The following KIF9 variants were observed in gnomAD, a reference collection of about 807,000 sequenced individuals.
The protein encoded by KIF9 is kinesin family member 9.
In KIF9, 68 loss-of-function variants were observed where a neutral mutation model predicts 94.8. That is an observed-to-expected ratio of 0.72 (90% CI 0.59 to 0.88). KIF9 has a LOEUF of 0.88. Among genes scored for constraint, KIF9 ranks in the 40% least tolerant of loss-of-function variants. The probability of loss-of-function intolerance (pLI) is 0.00; values close to 1 mark genes in which losing one functional copy is unlikely to be tolerated. For missense variants in KIF9, 882 were observed against 982.5 expected (o/e 0.90, Z 1.37); for synonymous variants, 343 against 362.1 (o/e 0.95, Z 0.60).
At chr3:47,250,528 G>T in intron 10 of KIF9, 1 of 453,290 alleles carries the variant, frequency 2.2e-6, no homozygotes, top group Non-Finnish European at 4.5e-6. Context: ...TTTCAGATCA[G>T]ACGGGTAATG....
chr3:47,280,762 C>T (rs899227636), intron 1 of KIF9, among the ~76,000 whole-genome samples: 1 of 152,190 alleles, frequency 6.6e-6, no homozygotes, highest in African/African-American at 2.4e-5. Context: ...TGCCAACATG[C>T]ACATGCACAC....
rs1229745185 is a variant in KIF9 at position 47,256,037 on chromosome 3, C to T, written c.1059+1446G>A. 2.6e-5 allele frequency among the ~76,000 whole-genome samples: 4 copies of T among 152,358 alleles called. No individual in the cohort carries two copies. In the East Asian group the frequency reaches 5.8e-4, roughly 22 times the overall value. ...CCGGCCTCCCGAGGTGCCGGGATTG[C>T]AGACGGAGTCTCGTTCACTCAGTGC... On this transcript the variant is annotated intron_variant, in intron 10 of 20. Transcript: ENST00000684063.
intron 8 of KIF9, 64 bp from the exon 9 acceptor site, chr3:47,264,414 T>C (rs1244337373): frequency 3.0e-6 from 4 of 1,315,340 alleles, no homozygotes; most frequent in African/African-American, 2.9e-5. Context: ...AAGGAGTTGA[T>C]GGGGTCTGTT....
At position 47,251,812 on chromosome 3, in the gene KIF9, C is replaced by T. The variant is rs201338326; in HGVS notation, c.1060-3726G>A. On this transcript the variant is annotated intron_variant, in intron 10 of 20. Coordinates refer to ENST00000684063, the MANE Select transcript of KIF9 (RefSeq NM_182902.4). ...GCAGAGTGGAGTATACTAAGTCTCTCCCTGCTGTCTGTTTATGCCTGAGGC... is the reference window on the plus strand; with the variant it reads ...GCAGAGTGGAGTATACTAAGTCTCTTCCTGCTGTCTGTTTATGCCTGAGGC... 2.0e-5 allele frequency among the ~76,000 whole-genome samples: 3 copies of T among 152,296 alleles called. No homozygotes were observed. The East Asian group carries it at 5.8e-4, about 29-fold the overall frequency.
At chr3:47,240,212 G>A (rs892129140) in intron 17 of KIF9, 2 of 231,560 alleles carry the variant, frequency 8.6e-6, no homozygotes, top group South Asian at 6.2e-5. Flanking sequence ...CCCTCCCCAC[G>A]TTGGGGTTCT....
At chr3:47,277,972 A>G (rs1442964464) in intron 1 of KIF9, among the ~76,000 whole-genome samples, 2 of 151,452 alleles carry the variant, frequency 1.3e-5, no homozygotes. Flanking sequence ...AAACCTAACT[A>G]TATTCTCATC....
rs1418825098 is a variant in KIF9, at chr3:47,236,589, A to G, written c.1955T>C (p.Ile652Thr). 1 of 1,613,966 alleles carries G rather than the reference A, an allele frequency of 6.2e-7. No individual in the cohort carries two copies. The highest frequency in any genetic ancestry group is 8.5e-7 in the Non-Finnish European group (1 of 1,180,032). The change falls in exon 18 of 21, where the codon ATC becomes ACC. Residue 652 changes from isoleucine to threonine, a missense_variant. Transcript: ENST00000684063. ...GKYENKGLMI[I>T]DEEEFLLILK... is the part of the protein sequence containing the mutation. ...GATCAGCAGGAATTCTTCCTCATCG[A>G]TGATCATCAGCCCCTTGTTTTCGTA...
intron 9 of KIF9, among the ~76,000 whole-genome samples, chr3:47,261,766 C>T (rs1700987937): frequency 6.6e-6 from 1 of 152,140 alleles, no homozygotes; most frequent in Non-Finnish European, 1.5e-5. Context: ...ACAGAGCTGG[C>T]TCACAGCGAG....
rs200221718 is a variant in KIF9 at position 47,241,789 on chromosome 3, GTGTATATA to G, written c.1710-782_1710-775del. On this transcript the variant is annotated intron_variant, in intron 16 of 20. Coordinates refer to ENST00000684063, the MANE Select transcript of KIF9 (RefSeq NM_182902.4). Reference sequence around the variant, plus strand: ...TATACGTATATATACATGTATATACGTGTATATATGTATATATGTATATATGTATATAT... The same window carrying G: ...TATACGTATATATACATGTATATACGTGTATATATGTATATATGTATATAT... 5.9e-3 allele frequency among the ~76,000 whole-genome samples: 508 copies of G among 85,808 alleles called. 3 individuals are homozygous for G. The highest frequency in any genetic ancestry group is 0.018 in the African/African-American group (416 of 22,572). The allele number at this position is 85,808 out of a possible 152,430, so 56.3% of individuals were successfully genotyped here. A position where few individuals can be genotyped will look rare whatever the true frequency, so the allele number is the denominator to read the frequency against.
intron 4 of KIF9, among the ~76,000 whole-genome samples, 167 bp from the exon 5 acceptor site, chr3:47,271,628 C>T (rs556794415): frequency 1.5e-4 from 23 of 152,288 alleles, no homozygotes; most frequent in Non-Finnish European, 4.4e-5. Context: ...TGAGGCTTGA[C>T]ATCAGATTGG....
rs1701642730 is a variant in KIF9, at chr3:47,271,449, T to C, written c.379A>G (p.Ile127Val). The change falls in exon 5 of 21, where the codon ATC becomes GTC. Residue 127 changes from isoleucine to valine, a missense_variant. By Grantham distance (29) the Ile-to-Val change is conservative (BLOSUM62 3). Transcript: ENST00000684063. Reference sequence around the variant, plus strand: ...ATGGCATGTGTGGGGCGTTCTTCGATCATCCTAAAAACCTAGATGACAGAT... The same window carrying C: ...ATGGCATGTGTGGGGCGTTCTTCGACCATCCTAAAAACCTAGATGACAGAT... ...PRALQQVFRM[I>V]EERPTHAITV... 6.2e-7 allele frequency: 1 copy of C among 1,613,876 alleles called. No individual in the cohort carries two copies. Among genetic ancestry groups the C allele is most frequent in the African/African-American group, 1.3e-5 (1 of 74,914 alleles).
At chr3:47,268,584 C>CTTTT in intron 5 of KIF9, among the ~76,000 whole-genome samples, 1 of 137,298 alleles carries the variant, frequency 7.3e-6, no homozygotes, top group Non-Finnish European at 1.6e-5. Context: ...TTTTCTTCTT[C>CTTTT]TTTTTTTTTT....
In KIF9 at chr3:47,228,516, A is replaced by T. The variant is rs1277603868; in HGVS notation, c.*136T>A. 1.7e-5 allele frequency: 13 copies of T among 745,286 alleles called. No homozygotes were observed. The highest frequency in any genetic ancestry group is 2.8e-5 in the Non-Finnish European group (12 of 421,632). The allele number at this position is 745,286 out of a possible 1,614,324, so 46.2% of individuals were successfully genotyped here. A position where few individuals can be genotyped will look rare whatever the true frequency, so the allele number is the denominator to read the frequency against. On this transcript the variant is annotated 3_prime_UTR_variant, in exon 21 of 21. Transcript: ENST00000684063. ...TTGGAGGATGCTCCTCCCAACATGCAGGCCAAATGTGTTCTCTGTGCTGGG... is the reference window on the plus strand; with the variant it reads ...TTGGAGGATGCTCCTCCCAACATGCTGGCCAAATGTGTTCTCTGTGCTGGG...
intron 20 of KIF9, among the ~76,000 whole-genome samples, chr3:47,231,049 T>G (rs969245814): frequency 2.6e-5 from 4 of 151,314 alleles, no homozygotes; most frequent in Non-Finnish European, 5.9e-5. Flanking sequence ...AAAAAAAAAG[T>G]TACCTAAATT....
chr3:47,238,916 G>A (rs2107122929), intron 17 of KIF9, among the ~76,000 whole-genome samples: 1 of 152,318 alleles, frequency 6.6e-6, no homozygotes, highest in African/African-American at 2.4e-5. Flanking sequence ...GCCCGCCTCG[G>A]CCTCCCAAAG....
intron 7 of KIF9, 168 bp from the exon 8 acceptor site, chr3:47,266,045 G>A (rs2107443802): frequency 3.2e-6 from 2 of 628,498 alleles, no homozygotes; most frequent in South Asian, 4.4e-5. Flanking sequence ...TCCATCTTGG[G>A]CTAATAATGG....
chr3:47,267,132 G>C, intron 6 of KIF9, 48 bp downstream of exon 6: 1 of 1,599,082 alleles, frequency 6.3e-7, no homozygotes, highest in African/African-American at 1.3e-5. Flanking sequence ...AGCAGGCCCC[G>C]TGGGAATTGA....
At chr3:47,235,888 G>GTACCTGCC (rs912773323) in intron 19 of KIF9, 146 bp downstream of exon 19, 1 of 672,664 alleles carries the variant, frequency 1.5e-6, no homozygotes, top group Non-Finnish European at 2.6e-6. Flanking sequence ...GGAGAGACCT[G>GTACCTGCC]TACCTGCCCA....
intron 16 of KIF9, among the ~76,000 whole-genome samples, chr3:47,242,760 A>C (rs1699659684): frequency 1.3e-5 from 2 of 152,186 alleles, no homozygotes; most frequent in Non-Finnish European, 2.9e-5. Flanking sequence ...AAAATTTTTA[A>C]ATCTTTTGAA....
Sources: gnomAD v4.1 joint callset for allele counts (sites outside exome capture counted in the v4.1 genomes callset) on GRCh38, gnomAD v4.1.1 for gene constraint, MANE v1.5 for transcripts, NCBI Gene and HGNC (gene_info 2026-07-23, HGNC 2026-07-21) for gene names.